Variants in OSGIN2 observed in about 807,000 individuals in gnomAD.
OSGIN2 encodes the protein oxidative stress induced growth inhibitor family member 2, also known as oxidative stress-induced growth inhibitor 2.
In OSGIN2, 19 loss-of-function variants were observed where a neutral mutation model predicts 53.8. The ratio of observed to expected loss-of-function variants is 0.35; its 90% confidence interval spans 0.25 to 0.52. OSGIN2 has a LOEUF of 0.52. OSGIN2 is among the 20% of genes least tolerant of loss of function. The pLI, the probability that OSGIN2 is intolerant of heterozygous loss-of-function variation, is 0.95. For missense variants in OSGIN2, 520 were observed against 662.7 expected, an observed-to-expected ratio of 0.78 and a Z score of 2.36; for synonymous variants, 236 against 236.0, an observed-to-expected ratio of 1.00 and a Z score of 0.00.
At position 89,914,573 on chromosome 8, in the gene OSGIN2, G is replaced by A; in HGVS notation, c.355G>A (p.Glu119Lys). 1 of 1,613,810 alleles carries A rather than the reference G, an allele frequency of 6.2e-7. No individual in the cohort carries two copies. Among genetic ancestry groups the A allele is most frequent in the Non-Finnish European group, 8.5e-7 (1 of 1,179,770 alleles). The change falls in exon 4 of 6, where the codon GAG becomes AAG. Residue 119 changes from glutamate to lysine, a missense_variant. Glu to Lys is a moderately conservative substitution (Grantham distance 56). Around this residue, in one of 3 missense-constraint regions of OSGIN2, gnomAD observed 203 missense variants for 275.3 expected, o/e 0.74. Coordinates refer to ENST00000451899, the MANE Select transcript of OSGIN2 (RefSeq NM_001126111.3). ...IVDQDLEYLS[E>K]GLEGRSSNPV... ...CATTCAGGACTTAGAATACTTGTCT[G>A]AGGGCCTTGAGGGCCGATCATCCAA...
chr8:89,908,893 C>A (rs1808894022), intron 1 of OSGIN2, among the ~76,000 whole-genome samples: 1 of 150,002 alleles, frequency 6.7e-6, no homozygotes. Flanking sequence ...CACCTGTAGC[C>A]CTGGCTACTC....
Position 89,914,080 on chromosome 8 carries a change from A to G in OSGIN2, c.203A>G (p.Asn68Ser). The G allele has an allele frequency of 2.5e-6, 4 of 1,610,436 alleles. No individual in the cohort carries two copies. The highest frequency in any genetic ancestry group is 3.4e-6 in the Non-Finnish European group (4 of 1,178,154). The change falls in exon 3 of 6, where the codon AAT becomes AGT. Residue 68 changes from asparagine (N) to serine (S), a missense_variant. Asn to Ser is a conservative substitution (Grantham distance 46). Coordinates refer to ENST00000451899, the MANE Select transcript of OSGIN2 (RefSeq NM_001126111.3). ...TTCCACCTTTTATTTTTAATAGGAA[A>G]TGGACCCTCAGGAATATGCCTTTCT... ...SVTFPVVIIG[N>S]GPSGICLSYM...
chr8:89,909,037 A>AAAAAAATAT (rs1554550040), intron 1 of OSGIN2, among the ~76,000 whole-genome samples: 1 of 84,902 alleles, frequency 1.2e-5, no homozygotes, highest in African/African-American at 7.2e-5. Flanking sequence ...AAAAAAAAAA[A>AAAAAAATAT]ATATATATAT....
At chr8:89,913,948 C>T in intron 2 of OSGIN2, 129 bp from the exon 3 acceptor site, 2 of 746,402 alleles carry the variant, frequency 2.7e-6, no homozygotes, top group Non-Finnish European at 4.5e-6. Context: ...CATGAAACAT[C>T]TGGTTTTAAG....
intron 4 of OSGIN2, among the ~76,000 whole-genome samples, chr8:89,918,972 C>T (rs1378733990): frequency 6.6e-6 from 1 of 152,184 alleles, no homozygotes; most frequent in Non-Finnish European, 1.5e-5. Flanking sequence ...TTCTCCAATC[C>T]ATTATCCATA....
Position 89,924,751 on chromosome 8 carries a change from G to C in OSGIN2, c.869G>C (p.Gly290Ala), listed in dbSNP as rs1273521607. 6.2e-7 allele frequency: 1 copy of C among 1,614,180 alleles called. No individual in the cohort carries two copies. The highest frequency in any genetic ancestry group is 2.2e-5 in the East Asian group (1 of 44,884). ...EIRGYQRIAD[G>A]SHVPFCLFAE... Reference sequence around the variant, plus strand: ...AGGGGTTATCAGCGAATAGCTGATGGTTCTCATGTTCCCTTCTGCCTCTTT... The same window carrying C: ...AGGGGTTATCAGCGAATAGCTGATGCTTCTCATGTTCCCTTCTGCCTCTTT... Residue 290 changes from glycine (G) to alanine (A), a missense_variant, in exon 6 of 6, where the codon GGT (glycine) becomes GCT (alanine). Physicochemically the swap from Gly to Ala is moderately conservative, Grantham distance 60. Coordinates refer to ENST00000451899, the MANE Select transcript of OSGIN2 (RefSeq NM_001126111.3).
intron 4 of OSGIN2, among the ~76,000 whole-genome samples, chr8:89,919,083 C>T (rs776502674): frequency 6.6e-6 from 1 of 152,146 alleles, no homozygotes; most frequent in African/African-American, 2.4e-5. Context: ...ATGTAGACTT[C>T]GTAATGTATC....
chr8:89,903,215 T>C (rs1808766110), intron 1 of OSGIN2, among the ~76,000 whole-genome samples: 1 of 152,142 alleles, frequency 6.6e-6, no homozygotes, highest in South Asian at 2.1e-4. Flanking sequence ...CTAAATAATG[T>C]AATGAGTGGA....
intron 2 of OSGIN2, among the ~76,000 whole-genome samples, chr8:89,913,849 A>C (rs1401150285): frequency 2.6e-5 from 4 of 152,226 alleles, no homozygotes; most frequent in Non-Finnish European, 5.9e-5. Context: ...TAGAGAACTA[A>C]TTTTGGATGT....
At chr8:89,910,678 C>G (rs1282291432) in intron 2 of OSGIN2, among the ~76,000 whole-genome samples, 1 of 152,160 alleles carries the variant, frequency 6.6e-6, no homozygotes, top group Non-Finnish European at 1.5e-5. Flanking sequence ...TTCCCCCTTA[C>G]CTCTAACCTT....
intron 1 of OSGIN2, among the ~76,000 whole-genome samples, chr8:89,908,855 T>G (rs1808893349): frequency 6.6e-6 from 1 of 151,146 alleles, no homozygotes; most frequent in Non-Finnish European, 1.5e-5. Flanking sequence ...CCAAAAAATA[T>G]TTTTTAAATT....
intron 2 of OSGIN2, among the ~76,000 whole-genome samples, chr8:89,910,561 A>C (rs112723274): frequency 7.9e-5 from 12 of 152,176 alleles, no homozygotes; most frequent in Non-Finnish European, 1.6e-4. Flanking sequence ...AGATTGTTCT[A>C]TACTAGGTTC....
chr8:89,921,800 G>A (rs531202392), intron 5 of OSGIN2, among the ~76,000 whole-genome samples: 26 of 152,216 alleles, frequency 1.7e-4, no homozygotes, highest in Non-Finnish European at 3.7e-4. Flanking sequence ...TGACCAACAT[G>A]GTGAAACCCT....
At chr8:89,903,093 G>A (rs970937151) in intron 1 of OSGIN2, among the ~76,000 whole-genome samples, 1 of 152,166 alleles carries the variant, frequency 6.6e-6, no homozygotes, top group Admixed American at 6.6e-5. Context: ...CGGCTAGGCC[G>A]GACTGAGTCG....
At chr8:89,919,095 C>T (rs1477073913) in intron 4 of OSGIN2, among the ~76,000 whole-genome samples, 2 of 152,196 alleles carry the variant, frequency 1.3e-5, no homozygotes, top group Admixed American at 1.3e-4. Context: ...TAATGTATCT[C>T]ACCATACTCC....
At chr8:89,910,723 C>G (rs1037674896) in intron 2 of OSGIN2, among the ~76,000 whole-genome samples, 1 of 152,206 alleles carries the variant, frequency 6.6e-6, no homozygotes, top group Non-Finnish European at 1.5e-5. Context: ...GGAATCCTGT[C>G]TTCTTGTGTG....
intron 4 of OSGIN2, among the ~76,000 whole-genome samples, chr8:89,917,634 C>A (rs773087364): frequency 1.3e-5 from 2 of 152,182 alleles, no homozygotes; most frequent in Non-Finnish European, 2.9e-5. Flanking sequence ...TTATTAACTT[C>A]TTTTCAAACC....
Position 89,925,132 on chromosome 8 carries a change from C to T in OSGIN2, c.1250C>T (p.Ser417Phe), listed in dbSNP as rs1323848797. 6.2e-7 allele frequency: 1 copy of T among 1,614,016 alleles called. No individual in the cohort carries two copies. Among genetic ancestry groups the T allele is most frequent in the South Asian group, 1.1e-5 (1 of 91,084 alleles). Reference protein sequence around the residue: ...QSYSVDSNLLSDYTSFPEHRV... With the variant: ...QSYSVDSNLLFDYTSFPEHRV... ...TATTCTGTAGACTCAAATCTTTTAT[C>T]TGATTATACCAGCTTTCCCGAGCAC... Residue 417 changes from serine to phenylalanine, a missense_variant, in exon 6 of 6, where the codon TCT becomes TTT. Coordinates refer to ENST00000451899, the MANE Select transcript of OSGIN2 (RefSeq NM_001126111.3).
At position 89,909,693 on chromosome 8, in the gene OSGIN2, G is replaced by A. The variant is rs770935128; in HGVS notation, c.171G>A (p.Ser57=). 9.3e-6 allele frequency: 15 copies of A among 1,608,160 alleles called. No individual in the cohort carries two copies. Among genetic ancestry groups the A allele is most frequent in the East Asian group, 4.5e-5 (2 of 44,758 alleles). Residue 57 remains serine, a synonymous_variant, in exon 2 of 6, where the codon TCG becomes TCA. Transcript: ENST00000451899. Reference sequence around the variant, plus strand: ...AAGAAACTTCTTTACTGGAAGATTCGTCAGTGACTTTTCCTGTGGTAATAA... The same window carrying A: ...AAGAAACTTCTTTACTGGAAGATTCATCAGTGACTTTTCCTGTGGTAATAA... ...LVEETSLLED[S]SVTFPVVIIG...
Sources: gnomAD v4.1 joint callset for allele counts (sites outside exome capture counted in the v4.1 genomes callset) on GRCh38, gnomAD v4.1.1 for gene constraint, gnomAD v4.1.1 regional missense constraint, MANE v1.5 for transcripts, NCBI Gene and HGNC (gene_info 2026-07-23, HGNC 2026-07-21) for gene names.